NRXN3: variants seen among roughly 807,000 people sequenced by gnomAD.
NRXN3 encodes the protein neurexin III.
NRXN3 carries 32 observed loss-of-function variants against 137.6 expected under a neutral mutation model. That is an observed-to-expected ratio of 0.23 (90% CI 0.18 to 0.31). The LOEUF (loss-of-function observed/expected upper bound fraction) is 0.31, where lower values mean the gene tolerates loss of function less well. Ranked by LOEUF, NRXN3 falls within the 10% of genes least tolerant of loss-of-function variation. The pLI, the probability that NRXN3 is intolerant of heterozygous loss-of-function variation, is 1.00. For synonymous variants in NRXN3, 798 were observed against 784.5 expected (o/e 1.02, Z -0.29); for missense variants, 1,574 against 2,062.5 (o/e 0.76, Z 4.59).
rs34485878 is a variant in NRXN3, at chr14:78,568,961, G to GTTTTTTTTTT, written c.758-76144_758-76135dup. Among the ~76,000 whole-genome samples, 13 of 103,740 alleles carry GTTTTTTTTTT rather than the reference G, an allele frequency of 1.3e-4. 1 individual carries two copies. The highest frequency in any genetic ancestry group is 3.3e-4 in the African/African-American group (8 of 24,440). 68.1% of individuals were successfully genotyped at this position (103,740 alleles called of 152,430 possible). A position where few individuals can be genotyped will look rare whatever the true frequency, so the allele number is the denominator to read the frequency against. On this transcript the variant is annotated intron_variant, in intron 4 of 20. Transcript: ENST00000335750. ...TGTGGTGGGAAATATGACTTTGCAG[G>GTTTTTTTTTT]TTTTTTTTTTTTTTTTTTTTTTTTG... is the stretch of plus-strand genomic sequence containing the variant.
chr14:79,347,849 G>C (rs2092976447), intron 15 of NRXN3, among the ~76,000 whole-genome samples: 1 of 152,188 alleles, frequency 6.6e-6, no homozygotes, highest in Non-Finnish European at 1.5e-5. Context: ...GAAATATGTG[G>C]AAAGCATTCT....
chr14:78,817,579 G>A (rs2098937676), intron 10 of NRXN3, among the ~76,000 whole-genome samples: 1 of 152,200 alleles, frequency 6.6e-6, no homozygotes, highest in Non-Finnish European at 1.5e-5. Flanking sequence ...TCAAGAGCGG[G>A]CAGTTGCATT....
chr14:78,888,795 A>G (rs1176430603), intron 10 of NRXN3, among the ~76,000 whole-genome samples: 1 of 151,168 alleles, frequency 6.6e-6, no homozygotes, highest in Admixed American at 6.6e-5. Context: ...ACTGATGCAG[A>G]TGACAGATAC....
intron 10 of NRXN3, among the ~76,000 whole-genome samples, chr14:78,846,485 A>C (rs921765311): frequency 6.6e-5 from 10 of 152,140 alleles, no homozygotes; most frequent in Non-Finnish European, 1.5e-4. Context: ...ATGTATGTCA[A>C]AAGGACAAAA....
chr14:79,593,642 A>AAAG (rs1421304010), intron 16 of NRXN3, among the ~76,000 whole-genome samples: 1 of 151,778 alleles, frequency 6.6e-6, no homozygotes, highest in African/African-American at 2.4e-5. Context: ...AAAAAAAAAA[A>AAAG]AAAAAAAAAA....
chr14:79,240,977 TG>T (rs2074194104), intron 15 of NRXN3, among the ~76,000 whole-genome samples: 3 of 152,200 alleles, frequency 2.0e-5, no homozygotes, highest in African/African-American at 7.2e-5. Context: ...TGTATGTGTG[TG>T]TGCATGTATG....
intron 4 of NRXN3, among the ~76,000 whole-genome samples, chr14:78,497,961 A>G (rs1054719979): frequency 2.0e-4 from 30 of 152,304 alleles, no homozygotes; most frequent in African/African-American, 6.0e-4. Context: ...TTTGCATTCA[A>G]TCATCTCCCC....
intron 4 of NRXN3, among the ~76,000 whole-genome samples, chr14:78,524,146 G>A (rs1461680995): frequency 6.6e-6 from 1 of 152,064 alleles, no homozygotes; most frequent in South Asian, 2.1e-4. Context: ...TTGAGGGGTG[G>A]TCACGATTAT....
chr14:78,725,753 T>C (rs1317106969), intron 8 of NRXN3, among the ~76,000 whole-genome samples: 2 of 152,248 alleles, frequency 1.3e-5, no homozygotes, highest in African/African-American at 4.8e-5. Context: ...TCTGAGGTTT[T>C]TGAGTCTAAC....
chr14:78,731,728 T>C (rs909799233), intron 8 of NRXN3, among the ~76,000 whole-genome samples: 1 of 151,782 alleles, frequency 6.6e-6, no homozygotes, highest in Non-Finnish European at 1.5e-5. Flanking sequence ...TATATGTGTA[T>C]ATATATAACA....
rs531941345 is a variant in NRXN3 at position 78,245,087 on chromosome 14, G to C, written c.709+1285G>C. Among the ~76,000 whole-genome samples, 9 of 152,350 alleles carry C rather than the reference G, an allele frequency of 5.9e-5. No homozygotes were observed. In the South Asian group the frequency reaches 1.9e-3, roughly 32 times the overall value. ...CCAACCATACAGGTATGTATGTTGA[G>C]AGGTTAGGGTGACAGGAGGCAAGGA... On this transcript the variant is annotated intron_variant, in intron 2 of 20. Transcript: ENST00000335750.
intron 15 of NRXN3, among the ~76,000 whole-genome samples, chr14:79,393,107 G>C (rs569107495): frequency 1.3e-5 from 2 of 152,000 alleles, no homozygotes; most frequent in South Asian, 2.1e-4. Context: ...ATCTTTTTAC[G>C]GTCTGAGTAA....
At chr14:79,696,782 C>T (rs943946910) in intron 18 of NRXN3, among the ~76,000 whole-genome samples, 1 of 151,862 alleles carries the variant, frequency 6.6e-6, no homozygotes, top group Non-Finnish European at 1.5e-5. Flanking sequence ...CATTAACACA[C>T]CTCTATGTCA....
intron 1 of NRXN3, among the ~76,000 whole-genome samples, chr14:78,236,727 A>G (rs1435178724): frequency 7.3e-5 from 4 of 55,050 alleles, no homozygotes; most frequent in Non-Finnish European, 1.2e-4. Context: ...GATAGGTATT[A>G]TTCCCCCCCC....
intron 16 of NRXN3, among the ~76,000 whole-genome samples, chr14:79,565,323 G>GCGTA (rs2097540079): frequency 7.1e-6 from 1 of 141,162 alleles, no homozygotes; most frequent in Non-Finnish European, 1.6e-5. Flanking sequence ...ACACATGTGT[G>GCGTA]TGTATATATA....
At chr14:78,801,315 C>T (rs1032748750) in intron 8 of NRXN3, among the ~76,000 whole-genome samples, 3 of 151,738 alleles carry the variant, frequency 2.0e-5, no homozygotes, top group Non-Finnish European at 4.4e-5. Flanking sequence ...AGTGAGACTC[C>T]GTCTCAAAAA....
intron 4 of NRXN3, among the ~76,000 whole-genome samples, chr14:78,531,689 G>A (rs1006084579): frequency 2.2e-4 from 34 of 152,254 alleles, no homozygotes; most frequent in South Asian, 1.7e-3. Flanking sequence ...GACCCTCCAT[G>A]AGATTGGAAG....
At chr14:78,255,550 C>T (rs1455570881) in intron 2 of NRXN3, among the ~76,000 whole-genome samples, 1 of 152,214 alleles carries the variant, frequency 6.6e-6, no homozygotes, top group African/African-American at 2.4e-5. Flanking sequence ...TCTTGGCTCC[C>T]TTTGGCTTTT....
At chr14:79,273,085 T>C (rs2153428636) in intron 15 of NRXN3, among the ~76,000 whole-genome samples, 1 of 149,858 alleles carries the variant, frequency 6.7e-6, no homozygotes, top group East Asian at 2.0e-4. Flanking sequence ...AAAAGGAGAA[T>C]TGCTTGAACC....
Sources: gnomAD v4.1 joint callset for allele counts (sites outside exome capture counted in the v4.1 genomes callset) on GRCh38, gnomAD v4.1.1 for gene constraint, MANE v1.5 for transcripts, NCBI Gene and HGNC (gene_info 2026-07-23, HGNC 2026-07-21) for gene names.